Variants in GBP7 observed in about 807,000 individuals in gnomAD.
GBP7 encodes guanylate-binding protein 7.
A neutral mutation model predicts 61.3 loss-of-function variants in GBP7; 43 were observed. The ratio of observed to expected loss-of-function variants is 0.70; its 90% CI spans 0.55 to 0.91. The LOEUF (loss-of-function observed/expected upper bound fraction) is 0.91. GBP7 is among the 40% of genes least tolerant of loss of function. The probability of loss-of-function intolerance (pLI) is 0.00; values close to 1 mark genes in which losing one functional copy is unlikely to be tolerated. For synonymous variants in GBP7, 267 were observed against 271.0 expected, an observed-to-expected ratio of 0.99 and a Z score of 0.14; for missense variants, 717 against 740.5, an observed-to-expected ratio of 0.97 and a Z score of 0.37.
intron 5 of GBP7, among the ~76,000 whole-genome samples, chr1:89,151,089 A>C (rs1182574237): frequency 1.3e-5 from 2 of 152,036 alleles, no homozygotes; most frequent in Non-Finnish European, 1.5e-5. Context: ...AATCTCTGTA[A>C]ATTTTAAATG....
chr1:89,139,128 A>G (rs151139204), intron 9 of GBP7, among the ~76,000 whole-genome samples: 2,944 of 152,264 alleles, frequency 0.019, 86 homozygotes, highest in African/African-American at 0.067. Context: ...CAGAGCCCTC[A>G]GAAATAATGC....
At chr1:89,140,136 T>C (rs1681899036) in intron 9 of GBP7, among the ~76,000 whole-genome samples, 2 of 151,474 alleles carry the variant, frequency 1.3e-5, no homozygotes, top group South Asian at 4.2e-4. Flanking sequence ...GTCATGTCCT[T>C]TATAGGGACA....
At chr1:89,152,073 A>G (rs929753067) in intron 5 of GBP7, among the ~76,000 whole-genome samples, 195 bp downstream of exon 5, 6 of 152,190 alleles carry the variant, frequency 3.9e-5, no homozygotes, top group Non-Finnish European at 8.8e-5. Flanking sequence ...TCCTCAATGA[A>G]TTTGAACCTC....
At chr1:89,140,316 G>A (rs1172756595) in intron 9 of GBP7, among the ~76,000 whole-genome samples, 1 of 149,778 alleles carries the variant, frequency 6.7e-6, no homozygotes, top group Non-Finnish European at 1.5e-5. Flanking sequence ...GGGAGGGATA[G>A]CATTAGGAGA....
chr1:89,159,607 A>G (rs1232527170), intron 3 of GBP7, among the ~76,000 whole-genome samples: 1 of 150,840 alleles, frequency 6.6e-6, no homozygotes, highest in African/African-American at 2.4e-5. Context: ...AGACACATGA[A>G]AAAATGATCA....
intron 3 of GBP7, among the ~76,000 whole-genome samples, chr1:89,162,346 G>A (rs1018684382): frequency 6.6e-6 from 1 of 152,160 alleles, no homozygotes; most frequent in Non-Finnish European, 1.5e-5. Context: ...GAATAGCATT[G>A]AATCTATAAA....
rs1681691817 is a variant in GBP7 at position 89,132,147 on chromosome 1, C to T, written c.*2G>A. On this transcript the variant is annotated 3_prime_UTR_variant, in exon 11 of 11. Transcript: ENST00000294671. ...CGTTATACCATTTTAACAAAAGAAA[C>T]CTCAGCTTATAATTTTCTTACCAGG... 3 of 1,599,466 alleles carry T rather than the reference C, an allele frequency of 1.9e-6. No individual in the cohort carries two copies. The highest frequency in any genetic ancestry group is 2.6e-6 in the Non-Finnish European group (3 of 1,174,140).
Position 89,132,321 on chromosome 1 carries a change from A to G in GBP7, c.1745T>C (p.Ile582Thr), listed in dbSNP as rs1177016833. The change falls in exon 11 of 11, where the codon ATT (isoleucine) becomes ACT (threonine). Residue 582 changes from isoleucine to threonine, a missense_variant. Coordinates refer to ENST00000294671, the MANE Select transcript of GBP7 (RefSeq NM_207398.3). ...NEEINRLKEQ[I>T]EAAENEEPSV... The stretch of plus-strand genomic sequence containing the variant: ...GGGCTCTTCATTTTCAGCTGCTTCA[A>G]TTTGTTCTTTCAGTCGATTAATCTC... 3.1e-6 allele frequency: 5 copies of G among 1,613,834 alleles called. No individual in the cohort carries two copies. Among genetic ancestry groups the G allele is most frequent in the South Asian group, 1.1e-5 (1 of 91,084 alleles).
At chr1:89,141,353 A>G (rs988913428) in intron 9 of GBP7, among the ~76,000 whole-genome samples, 193 bp downstream of exon 9, 8 of 152,190 alleles carry the variant, frequency 5.3e-5, no homozygotes, top group African/African-American at 1.9e-4. Context: ...GAGCATGTTT[A>G]AGAATGTTGT....
rs1035290094 is a variant in GBP7, at chr1:89,165,781, A to C, written c.191-923T>G. Among the ~76,000 whole-genome samples, 4 of 149,664 alleles carry C rather than the reference A, an allele frequency of 2.7e-5. No individual in the cohort carries two copies. In the South Asian group the frequency reaches 6.5e-4, roughly 24 times the overall value. Reference sequence around the variant, plus strand: ...CAGGGCCTGTTGGGGGGTGGGGGCTAGGGGAGGGATAGTATTAGGAGAAAT... The same window carrying C: ...CAGGGCCTGTTGGGGGGTGGGGGCTCGGGGAGGGATAGTATTAGGAGAAAT... On this transcript the variant is annotated intron_variant, in intron 2 of 10. Transcript: ENST00000294671.
chr1:89,155,085 A>T (rs1682283329), intron 3 of GBP7, among the ~76,000 whole-genome samples: 1 of 152,228 alleles, frequency 6.6e-6, no homozygotes, highest in Non-Finnish European at 1.5e-5. Context: ...ACCCAGGCAA[A>T]CAGGGTCTGG....
At chr1:89,166,859 A>C (rs1415778571) in intron 2 of GBP7, among the ~76,000 whole-genome samples, 1 of 151,874 alleles carries the variant, frequency 6.6e-6, no homozygotes, top group Non-Finnish European at 1.5e-5. Context: ...TTCTGTGAAG[A>C]CTCTCTCTTG....
chr1:89,165,866 C>T (rs555682927), intron 2 of GBP7, among the ~76,000 whole-genome samples: 4 of 152,062 alleles, frequency 2.6e-5, no homozygotes, highest in African/African-American at 4.8e-5. Flanking sequence ...TGTATACCTA[C>T]GTAAGAAACT....
chr1:89,144,335 C>T (rs551420716), intron 8 of GBP7, among the ~76,000 whole-genome samples: 1 of 152,318 alleles, frequency 6.6e-6, no homozygotes, highest in South Asian at 2.1e-4. Context: ...CTGTGATAAA[C>T]ATATGAGTGT....
At chr1:89,151,304 T>C (rs1682191720) in intron 5 of GBP7, among the ~76,000 whole-genome samples, 1 of 152,220 alleles carries the variant, frequency 6.6e-6, no homozygotes, top group Non-Finnish European at 1.5e-5. Flanking sequence ...GGTCCTGTCA[T>C]ATTTTTCTTC....
intron 10 of GBP7, among the ~76,000 whole-genome samples, chr1:89,133,045 T>A (rs1252468031): frequency 6.6e-6 from 1 of 152,176 alleles, no homozygotes; most frequent in Non-Finnish European, 1.5e-5. Context: ...CTGGGGGATG[T>A]CATGTGTACT....
At chr1:89,172,057 C>T (rs986941215) in intron 1 of GBP7, 103 bp from the exon 2 acceptor site, 1 of 818,086 alleles carries the variant, frequency 1.2e-6, no homozygotes, top group African/African-American at 1.7e-5. Flanking sequence ...AACATTGTTT[C>T]TTGTGCATTT....
intron 2 of GBP7, among the ~76,000 whole-genome samples, chr1:89,170,818 C>T (rs1003822946): frequency 6.6e-6 from 1 of 152,194 alleles, no homozygotes; most frequent in Non-Finnish European, 1.5e-5. Flanking sequence ...TACTTCTGTA[C>T]TTCCAGTAAT....
At chr1:89,148,271 T>C (rs934529340) in intron 7 of GBP7, among the ~76,000 whole-genome samples, 1 of 152,246 alleles carries the variant, frequency 6.6e-6, no homozygotes, top group South Asian at 2.1e-4. Flanking sequence ...CTGGGTTTTC[T>C]CAATATGTAC....
Sources: gnomAD v4.1 joint callset for allele counts (sites outside exome capture counted in the v4.1 genomes callset) on GRCh38, gnomAD v4.1.1 for gene constraint, MANE v1.5 for transcripts, NCBI Gene and HGNC (gene_info 2026-07-23, HGNC 2026-07-21) for gene names.